ERAL1: variants seen among roughly 807,000 people sequenced by gnomAD.
The protein encoded by ERAL1 is GTPase Era, mitochondrial.
Under a neutral mutation model 53.6 loss-of-function variants are expected in ERAL1, and 36 were observed. That is an observed-to-expected ratio of 0.67 (90% CI 0.51 to 0.89). The LOEUF is 0.89. Ranked by LOEUF, ERAL1 falls within the 40% of genes least tolerant of loss-of-function variation. The pLI is 0.00. For synonymous variants in ERAL1, 215 were observed against 211.8 expected (o/e 1.02, Z -0.13); for missense variants, 512 against 537.5 (o/e 0.95, Z 0.47).
In ERAL1 at chr17:28,858,669, G is replaced by A; in HGVS notation, c.805G>A (p.Ala269Thr). ...TGGCAAAAAGCTCAAGATGAGGCAG[G>A]CCTTCCACTCACACCCTGGCACCCA... ...VNGKKLKMRQ[A>T]FHSHPGTHCP... is the part of the protein sequence containing the mutation. The change falls in exon 7 of 10, where the codon GCC (alanine) becomes ACC (threonine). Residue 269 changes from alanine to threonine, a missense_variant. Ala to Thr is a moderately conservative substitution (Grantham distance 58). Coordinates refer to ENST00000254928, the MANE Select transcript of ERAL1 (RefSeq NM_005702.4). 6.2e-7 allele frequency: 1 copy of A among 1,614,162 alleles called. No homozygotes were observed. The highest frequency in any genetic ancestry group is 8.5e-7 in the Non-Finnish European group (1 of 1,180,040).
chr17:28,859,086 C>G lies in ERAL1; in HGVS notation c.1083C>G (p.Pro361=). The part of the protein sequence containing the change: ...IIREKLLEHL[P]QEVPYNVQQK... ...GAGAGAAGCTCCTAGAACACCTGCC[C>G]CAGGAGGTGCCTTACAATGTACAGC... Residue 361 remains proline, a synonymous_variant, in exon 8 of 10, where the codon CCC becomes CCG. Transcript: ENST00000254928. 6.2e-7 allele frequency: 1 copy of G among 1,614,126 alleles called. No individual in the cohort carries two copies. Among genetic ancestry groups the G allele is most frequent in the Non-Finnish European group, 8.5e-7 (1 of 1,180,016 alleles).
rs911942480 is a variant in ERAL1 at position 28,860,626 on chromosome 17, C to T, written c.*73C>T. 1.1e-5 allele frequency: 17 copies of T among 1,492,346 alleles called. No individual in the cohort carries two copies. The highest frequency in any genetic ancestry group is 8.5e-5 in the South Asian group (6 of 71,002). 92.4% of individuals were successfully genotyped at this position (1,492,346 alleles called of 1,614,324 possible). A position where few individuals can be genotyped will look rare whatever the true frequency, so the allele number is the denominator to read the frequency against. On this transcript the variant is annotated 3_prime_UTR_variant, in exon 10 of 10. Transcript: ENST00000254928. ...AGGAACTGACCAGTTCTGTCCTTGG[C>T]TGGGGACCCTCCAGGCACTGGTGAG...
chr17:28,855,395 T>A, intron 1 of ERAL1, 78 bp downstream of exon 1: 1 of 1,463,816 alleles, frequency 6.8e-7, no homozygotes, highest in South Asian at 1.4e-5. Context: ...TGTCTTTGAT[T>A]CTATTTTATA....
chr17:28,860,389 G>A (rs767438552), intron 9 of ERAL1, 42 bp from the exon 10 acceptor site: 1 of 1,607,794 alleles, frequency 6.2e-7, no homozygotes, highest in South Asian at 1.1e-5. Context: ...CTACAGGCAT[G>A]TGCCATCATT....
chr17:28,859,400 C>CT (rs981347339), intron 9 of ERAL1, 117 bp downstream of exon 9: 83 of 996,000 alleles, frequency 8.3e-5, no homozygotes, highest in Non-Finnish European at 1.1e-4. Flanking sequence ...TTCTTCTTTT[C>CT]TTTTTTTTGA....
At chr17:28,857,834 C>G in intron 3 of ERAL1, 105 bp from the exon 4 acceptor site, 1 of 1,260,748 alleles carries the variant, frequency 7.9e-7, no homozygotes, top group Non-Finnish European at 1.2e-6. Flanking sequence ...AATAGTTTGA[C>G]TGAGAAGGGA....
At position 28,856,720 on chromosome 17, in the gene ERAL1, T is replaced by C. The variant is rs756637127; in HGVS notation, c.489+138T>C. 11 of 787,644 alleles carry C rather than the reference T, an allele frequency of 1.4e-5. No individual in the cohort carries two copies. In the African/African-American group the frequency reaches 1.4e-4, roughly 10 times the overall value. 48.8% of individuals were successfully genotyped at this position (787,644 alleles called of 1,614,324 possible). A position where few individuals can be genotyped will look rare whatever the true frequency, so the allele number is the denominator to read the frequency against. On this transcript the variant is annotated intron_variant, in intron 3 of 9. Transcript: ENST00000254928. ...GGGGGTTTCTTTTCTTTTTCTTTTT[T>C]TTTTTTTTTGAGATGGAGTCTCACT... is the stretch of plus-strand genomic sequence containing the variant.
At chr17:28,855,903 T>A (rs1178788367) in intron 1 of ERAL1, among the ~76,000 whole-genome samples, 1 of 152,100 alleles carries the variant, frequency 6.6e-6, no homozygotes, top group African/African-American at 2.4e-5. Context: ...TCCAGCTTGC[T>A]TTCATGTACA....
chr17:28,859,132 T>C lies in ERAL1; in HGVS notation c.1110+19T>C. On this transcript the variant is annotated intron_variant, in intron 8 of 9. Transcript: ENST00000254928. ...ACAGCAGGTACAGAGTGAAGGGTTC[T>C]GGGGGCTCTCTATCAGACACACACC... 6.2e-7 allele frequency: 1 copy of C among 1,614,174 alleles called. No homozygotes were observed. The highest frequency in any genetic ancestry group is 8.5e-7 in the Non-Finnish European group (1 of 1,180,020).
rs2039244935 is a variant in ERAL1, at chr17:28,856,489, C to T, written c.412-16C>T. ...AGGGATCTGGGACCTCACTGAGACTCCTTTGTTCCTGGCAGGTGTTCCCTG... is the reference window on the plus strand; with the variant it reads ...AGGGATCTGGGACCTCACTGAGACTTCTTTGTTCCTGGCAGGTGTTCCCTG... On this transcript the variant is annotated splice_polypyrimidine_tract_variant and intron_variant, in intron 2 of 9. Coordinates refer to ENST00000254928, the MANE Select transcript of ERAL1 (RefSeq NM_005702.4). The T allele has an allele frequency of 1.2e-6, 2 of 1,613,732 alleles. No homozygotes were observed. Among genetic ancestry groups the T allele is most frequent in the African/African-American group, 2.7e-5 (2 of 75,020 alleles).
intron 7 of ERAL1, 62 bp from the exon 8 acceptor site, chr17:28,858,902 A>T: frequency 1.2e-6 from 2 of 1,611,982 alleles, no homozygotes; most frequent in Non-Finnish European, 1.7e-6. Flanking sequence ...CCTGGAAGCA[A>T]AAGTGAGGAG....
chr17:28,859,200 C>T lies in ERAL1; in HGVS notation c.1111-3C>T, dbSNP rs1444148076. The T allele has an allele frequency of 6.2e-7, 1 of 1,614,130 alleles. No homozygotes were observed. Among genetic ancestry groups the T allele is most frequent in the Non-Finnish European group, 8.5e-7 (1 of 1,180,006 alleles). ...CTGACTAATCATTTGTCTCCCTGTA[C>T]AGAAGACAGCAGTGTGGGAGGAAGG... On this transcript the variant is annotated splice_polypyrimidine_tract_variant and splice_region_variant and intron_variant, in intron 8 of 9. Coordinates refer to ENST00000254928, the MANE Select transcript of ERAL1 (RefSeq NM_005702.4).
intron 8 of ERAL1, 27 bp downstream of exon 8, chr17:28,859,140 C>G (rs1293256157): frequency 6.2e-7 from 1 of 1,614,016 alleles, no homozygotes; most frequent in Non-Finnish European, 8.5e-7. Flanking sequence ...TCTGGGGGCT[C>G]TCTATCAGAC....
intron 9 of ERAL1, among the ~76,000 whole-genome samples, chr17:28,859,861 A>G (rs2039286980): frequency 1.3e-5 from 2 of 152,036 alleles, no homozygotes; most frequent in Admixed American, 6.6e-5. Flanking sequence ...GGGTTTCACC[A>G]TGTTGCCCAG....
At chr17:28,858,114 C>A in intron 4 of ERAL1, 32 bp from the exon 5 acceptor site, 1 of 1,613,678 alleles carries the variant, frequency 6.2e-7, no homozygotes. Context: ...AGTCATAAGA[C>A]CTTTCCTGAC....
At position 28,858,598 on chromosome 17, in the gene ERAL1, C is replaced by T; in HGVS notation, c.734C>T (p.Ser245Leu). The change falls in exon 7 of 10, where the codon TCA becomes TTA. Residue 245 changes from serine to leucine, a missense_variant. Transcript: ENST00000254928. The part of the protein sequence containing the change: ...MNKVDCLKQK[S>L]VLLELTAALT... Reference sequence around the variant, plus strand: ...CAGGTAGATTGTTTGAAGCAGAAGTCAGTTCTCCTGGAGCTCACGGCAGCC... The same window carrying T: ...CAGGTAGATTGTTTGAAGCAGAAGTTAGTTCTCCTGGAGCTCACGGCAGCC... The T allele has an allele frequency of 6.2e-7, 1 of 1,614,194 alleles. No individual in the cohort carries two copies. The highest frequency in any genetic ancestry group is 8.5e-7 in the Non-Finnish European group (1 of 1,180,042).
rs373836561 is a variant in ERAL1 at position 28,859,193 on chromosome 17, C to T, written c.1111-10C>T. The T allele has an allele frequency of 1.2e-6, 2 of 1,614,020 alleles. No homozygotes were observed. The highest frequency in any genetic ancestry group is 8.5e-7 in the Non-Finnish European group (1 of 1,180,008). ...TGTATGACTGACTAATCATTTGTCT[C>T]CCTGTACAGAAGACAGCAGTGTGGG... is the stretch of plus-strand genomic sequence containing the variant. On this transcript the variant is annotated splice_polypyrimidine_tract_variant and intron_variant, in intron 8 of 9. Transcript: ENST00000254928.
chr17:28,860,348 C>A, intron 9 of ERAL1, 83 bp from the exon 10 acceptor site: 1 of 1,528,112 alleles, frequency 6.5e-7, no homozygotes, highest in Non-Finnish European at 8.9e-7. Flanking sequence ...CTCAAAGGAT[C>A]TTCTCACCTT....
chr17:28,858,917 G>C (rs1205213690), intron 7 of ERAL1, 47 bp from the exon 8 acceptor site: 1 of 1,612,664 alleles, frequency 6.2e-7, no homozygotes. Flanking sequence ...GAGGAGAAAA[G>C]TCCTGGTTGG....
Sources: gnomAD v4.1 joint callset for allele counts (sites outside exome capture counted in the v4.1 genomes callset) on GRCh38, gnomAD v4.1.1 for gene constraint, MANE v1.5 for transcripts, NCBI Gene and HGNC (gene_info 2026-07-23, HGNC 2026-07-21) for gene names.